The following SPTLC3 variants were observed in gnomAD, a reference collection of about 807,000 sequenced individuals.
SPTLC3 encodes the protein serine palmitoyltransferase long chain base subunit 3.
A neutral mutation model predicts 59.3 loss-of-function variants in SPTLC3; 36 were observed. The observed-to-expected ratio is 0.61, with a 90% CI of 0.47 to 0.80. The LOEUF is 0.80. Among genes scored for constraint, SPTLC3 ranks in the 30% least tolerant of loss-of-function variants. The pLI is 0.00. For synonymous variants in SPTLC3, 257 were observed against 240.8 expected (o/e 1.07, Z -0.62); for missense variants, 625 against 685.1 (o/e 0.91, Z 0.98).
At chr20:13,048,915 C>T (rs892480795) in intron 1 of SPTLC3, 30 bp from the exon 2 acceptor site, 5 of 1,523,570 alleles carry the variant, frequency 3.3e-6, no homozygotes, top group African/African-American at 1.4e-5. Context: ...CAGGAGAATG[C>T]TAACCTTGGA....
intron 4 of SPTLC3, among the ~76,000 whole-genome samples, chr20:13,087,717 T>C (rs530850056): frequency 1.8e-4 from 28 of 152,352 alleles, no homozygotes; most frequent in Middle Eastern, 3.4e-3. Context: ...TCAGTATCTA[T>C]GGAAGTCATG....
chr20:13,092,704 T>C (rs543618002), intron 5 of SPTLC3, among the ~76,000 whole-genome samples: 1 of 152,250 alleles, frequency 6.6e-6, no homozygotes, highest in East Asian at 1.9e-4. Context: ...ATGGGAATTT[T>C]TGTGGCTTTT....
Position 13,108,128 on chromosome 20 carries a change from T to C in SPTLC3, c.827-1984T>C, listed in dbSNP as rs1337825148. Among the ~76,000 whole-genome samples the C allele has an allele frequency of 2.0e-5, 3 of 152,176 alleles. No individual in the cohort carries two copies. The South Asian group carries it at 6.2e-4, about 32-fold the overall frequency. On this transcript the variant is annotated intron_variant, in intron 6 of 11. Coordinates refer to ENST00000399002, the MANE Select transcript of SPTLC3 (RefSeq NM_018327.4). ...GAGGACAGCTTGGAAGGTGCCATGC[T>C]AACAGGGGCCTCTCAGAGATGAGGT...
intron 9 of SPTLC3, among the ~76,000 whole-genome samples, chr20:13,133,213 GCTGCACAAGTACCCT>G (rs1568619819): frequency 6.6e-6 from 1 of 151,712 alleles, no homozygotes; most frequent in Non-Finnish European, 1.5e-5. Flanking sequence ...TATAGTTCCC[GCTGCACAAGTACCCT>G]CACCTGTTTC....
At chr20:13,100,267 C>A (rs1442786516) in intron 6 of SPTLC3, among the ~76,000 whole-genome samples, 1 of 152,104 alleles carries the variant, frequency 6.6e-6, no homozygotes, top group Admixed American at 6.5e-5. Context: ...AACTCCAAAG[C>A]TATTCATTAT....
chr20:13,055,360 T>C (rs1987676967), intron 2 of SPTLC3, among the ~76,000 whole-genome samples: 1 of 151,984 alleles, frequency 6.6e-6, no homozygotes, highest in Non-Finnish European at 1.5e-5. Context: ...AAATGGGATT[T>C]GAAGGGGAAT....
intron 8 of SPTLC3, among the ~76,000 whole-genome samples, chr20:13,124,735 G>A (rs1209738314): frequency 6.6e-6 from 1 of 152,190 alleles, no homozygotes; most frequent in African/African-American, 2.4e-5. Context: ...AAGAGAAACT[G>A]TGAATGTTGA....
chr20:13,071,073 C>T (rs186458144), intron 2 of SPTLC3, among the ~76,000 whole-genome samples: 655 of 152,272 alleles, frequency 4.3e-3, no homozygotes, highest in Middle Eastern at 0.01. Context: ...TTGGCTTAGA[C>T]GACAGTTACC....
intron 1 of SPTLC3, among the ~76,000 whole-genome samples, chr20:13,045,387 A>T (rs193071327): frequency 2.6e-5 from 4 of 152,330 alleles, no homozygotes; most frequent in Non-Finnish European, 5.9e-5. Flanking sequence ...AATAAATGCA[A>T]ACTTATTAAG....
At chr20:13,108,046 T>C (rs1327033703) in intron 6 of SPTLC3, among the ~76,000 whole-genome samples, 1 of 152,138 alleles carries the variant, frequency 6.6e-6, no homozygotes, top group Non-Finnish European at 1.5e-5. Context: ...CTTATTCATG[T>C]CACATGCTTT....
intron 7 of SPTLC3, among the ~76,000 whole-genome samples, chr20:13,116,201 C>A (rs973801936): frequency 5.9e-5 from 9 of 152,112 alleles, no homozygotes; most frequent in Admixed American, 1.3e-4. Context: ...ACTGAATCGA[C>A]CTAACACTTA....
intron 9 of SPTLC3, among the ~76,000 whole-genome samples, chr20:13,146,400 CT>C (rs564015560): frequency 3.7e-3 from 563 of 152,124 alleles, no homozygotes; most frequent in Non-Finnish European, 5.9e-3. Flanking sequence ...TGTAACAAAT[CT>C]TCACATGTAC....
intron 1 of SPTLC3, among the ~76,000 whole-genome samples, chr20:13,031,180 T>C (rs1986426771): frequency 6.6e-6 from 1 of 152,160 alleles, no homozygotes; most frequent in Non-Finnish European, 1.5e-5. Context: ...TTCTGGACAA[T>C]AGAACTTCCT....
intron 2 of SPTLC3, among the ~76,000 whole-genome samples, chr20:13,053,005 G>T (rs538672570): frequency 6.6e-6 from 1 of 152,298 alleles, no homozygotes; most frequent in East Asian, 1.9e-4. Context: ...TGGCTCTGAA[G>T]AGAGCAGCAT....
chr20:13,093,412 C>A, intron 5 of SPTLC3, 72 bp from the exon 6 acceptor site: 1 of 1,379,066 alleles, frequency 7.3e-7, no homozygotes, highest in Non-Finnish European at 1.0e-6. Flanking sequence ...AGAGTGTCTT[C>A]CTGTCCCCAC....
intron 8 of SPTLC3, among the ~76,000 whole-genome samples, chr20:13,118,656 T>TC (rs1162614892): frequency 6.6e-6 from 1 of 152,168 alleles, no homozygotes; most frequent in Non-Finnish European, 1.5e-5. Context: ...GTGACAGTGA[T>TC]GTTGGCTCAG....
intron 6 of SPTLC3, among the ~76,000 whole-genome samples, chr20:13,101,216 C>T (rs1989588494): frequency 6.6e-6 from 1 of 152,218 alleles, no homozygotes; most frequent in Non-Finnish European, 1.5e-5. Flanking sequence ...TATGTTCCCA[C>T]AGCCAGAAAA....
chr20:13,058,356 T>C (rs1987811100), intron 2 of SPTLC3, among the ~76,000 whole-genome samples: 1 of 152,070 alleles, frequency 6.6e-6, no homozygotes, highest in African/African-American at 2.4e-5. Context: ...GTCTTCCTGT[T>C]TGGACCTGCA....
intron 9 of SPTLC3, among the ~76,000 whole-genome samples, chr20:13,147,192 T>C (rs1437016495): frequency 1.3e-5 from 2 of 152,034 alleles, no homozygotes. Flanking sequence ...CCTTGGAACA[T>C]GTGTATGTGA....
Sources: gnomAD v4.1 joint callset for allele counts (sites outside exome capture counted in the v4.1 genomes callset) on GRCh38, gnomAD v4.1.1 for gene constraint, MANE v1.5 for transcripts, NCBI Gene and HGNC (gene_info 2026-07-23, HGNC 2026-07-21) for gene names.